TMED7: variants seen among roughly 807,000 people sequenced by gnomAD.
TMED7 encodes the protein transmembrane emp24 domain-containing protein 7.
Under a neutral mutation model 23.4 loss-of-function variants are expected in TMED7, and 8 were observed. That is an observed-to-expected ratio of 0.34 (90% CI 0.20 to 0.62). The LOEUF (loss-of-function observed/expected upper bound fraction) is 0.62, where lower values mean the gene tolerates loss of function less well. Among genes scored for constraint, TMED7 ranks in the 20% least tolerant of loss-of-function variants. TMED7 has a pLI of 0.77. For synonymous variants in TMED7, 121 were observed against 108.5 expected, an observed-to-expected ratio of 1.12 and a Z score of -0.72; for missense variants, 232 against 279.1, an observed-to-expected ratio of 0.83 and a Z score of 1.20.
At chr5:115,620,370 A>C in intron 2 of TMED7, 65 bp downstream of exon 2, 5 of 1,434,858 alleles carry the variant, frequency 3.5e-6, no homozygotes, top group Non-Finnish European at 4.6e-6. Flanking sequence ...AGTGCATGAT[A>C]TTAAATTATG....
rs1756606049 is a variant in TMED7, at chr5:115,614,405, A to G, written c.*1804T>C. 1 of 152,558 alleles carries G rather than the reference A, an allele frequency of 6.6e-6. No individual in the cohort carries two copies. The highest frequency in any genetic ancestry group is 1.5e-5 in the Non-Finnish European group (1 of 67,968). 9.5% of individuals were successfully genotyped at this position (152,558 alleles called of 1,614,324 possible). Reference sequence around the variant, plus strand: ...ATTATGGTGTAAGTATCTGAACACAATAGCATAGAGAGGCAACCAGAAAAG... The same window carrying G: ...ATTATGGTGTAAGTATCTGAACACAGTAGCATAGAGAGGCAACCAGAAAAG... On this transcript the variant is annotated 3_prime_UTR_variant, in exon 3 of 3. Coordinates refer to ENST00000456936, the MANE Select transcript of TMED7 (RefSeq NM_181836.6).
chr5:115,624,427 A>T (rs1396234387), intron 1 of TMED7, among the ~76,000 whole-genome samples: 4 of 152,158 alleles, frequency 2.6e-5, no homozygotes, highest in African/African-American at 9.7e-5. Flanking sequence ...CTAGACCACC[A>T]TAATAACCTC....
intron 2 of TMED7, among the ~76,000 whole-genome samples, chr5:115,618,775 T>C (rs1439725365): frequency 6.6e-6 from 1 of 152,214 alleles, no homozygotes; most frequent in Non-Finnish European, 1.5e-5. Flanking sequence ...CAGTATAAAG[T>C]TCCCCATCAG....
chr5:115,622,948 G>A (rs1757083724), intron 1 of TMED7, among the ~76,000 whole-genome samples: 1 of 152,104 alleles, frequency 6.6e-6, no homozygotes, highest in East Asian at 1.9e-4. Flanking sequence ...GACAGTGTTT[G>A]CAAATCTACA....
At chr5:115,623,404 A>C (rs925906943) in intron 1 of TMED7, among the ~76,000 whole-genome samples, 3 of 152,216 alleles carry the variant, frequency 2.0e-5, no homozygotes, top group Admixed American at 1.3e-4. Flanking sequence ...GAAGACCAGG[A>C]GCAAATCATC....
At chr5:115,623,266 C>T (rs1757096358) in intron 1 of TMED7, among the ~76,000 whole-genome samples, 1 of 152,206 alleles carries the variant, frequency 6.6e-6, no homozygotes, top group African/African-American at 2.4e-5. Flanking sequence ...AAAGAAAACA[C>T]CCTGGAACCA....
intron 1 of TMED7, 78 bp downstream of exon 1, chr5:115,625,523 G>C (rs1757170248): frequency 1.5e-6 from 2 of 1,375,564 alleles, no homozygotes; most frequent in South Asian, 1.7e-5. Flanking sequence ...ACACGGACAG[G>C]AAAGTGCCAT....
In TMED7 at chr5:115,618,410, T is replaced by C. The variant is rs146556989; in HGVS notation, c.439-1965A>G. Among the ~76,000 whole-genome samples, 6 of 152,342 alleles carry C rather than the reference T, an allele frequency of 3.9e-5. No individual in the cohort carries two copies. The East Asian group carries it at 1.2e-3, about 29-fold the overall frequency. ...TCAAATTTCCCCTATTGTTTCAAAG[T>C]TGGTTTTCAAGTAAGAATCCAAGTA... On this transcript the variant is annotated intron_variant, in intron 2 of 2. Transcript: ENST00000456936.
Position 115,620,428 on chromosome 5 carries a change from T to A in TMED7, c.438+7A>T, listed in dbSNP as rs545675298. The A allele has an allele frequency of 2.9e-5, 43 of 1,481,668 alleles. No individual in the cohort carries two copies. Among genetic ancestry groups the A allele is most frequent in the Admixed American group, 7.8e-5 (3 of 38,312 alleles). 91.8% of individuals were successfully genotyped at this position (1,481,668 alleles called of 1,614,324 possible). ...ACCAACATTATATTGCTGATTTTTT[T>A]ATTTACCTGGGTAAGAGCACTGACT... On this transcript the variant is annotated splice_region_variant and intron_variant, in intron 2 of 2. Coordinates refer to ENST00000456936, the MANE Select transcript of TMED7 (RefSeq NM_181836.6).
At position 115,616,351 on chromosome 5, in the gene TMED7, C is replaced by T; in HGVS notation, c.533G>A (p.Arg178Gln). ...CACTCTTGTATTTAGATCCTCTGCT[C>T]GGCTTCGGCCTTGAGCTTCTCTTAA... ...FRLREAQGRS[R>Q]AEDLNTRVAY... Residue 178 changes from arginine to glutamine, a missense_variant, in exon 3 of 3, where the codon CGA becomes CAA. Transcript: ENST00000456936. 1 of 1,614,164 alleles carries T rather than the reference C, an allele frequency of 6.2e-7. No homozygotes were observed. Among genetic ancestry groups the T allele is most frequent in the Non-Finnish European group, 8.5e-7 (1 of 1,180,020 alleles).
intron 1 of TMED7, among the ~76,000 whole-genome samples, chr5:115,624,919 T>C (rs1757150228): frequency 6.6e-6 from 1 of 152,236 alleles, no homozygotes; most frequent in Non-Finnish European, 1.5e-5. Flanking sequence ...CCTATCTGTT[T>C]CGACCACTTC....
intron 1 of TMED7, among the ~76,000 whole-genome samples, chr5:115,622,565 C>T (rs1189009415): frequency 1.3e-5 from 2 of 152,106 alleles, no homozygotes; most frequent in Admixed American, 6.6e-5. Flanking sequence ...CACTGTGACA[C>T]GTTAAACAGC....
intron 2 of TMED7, among the ~76,000 whole-genome samples, chr5:115,617,895 G>A (rs1181602046): frequency 6.6e-6 from 1 of 152,306 alleles, no homozygotes; most frequent in Non-Finnish European, 1.5e-5. Context: ...CTAGGTTCAA[G>A]TGATTCTCCT....
At position 115,625,779 on chromosome 5, in the gene TMED7, C is replaced by G; in HGVS notation, c.14G>C (p.Gly5Ala). ...GACGGCCGCCCAGCGCTGCGCGGAC[C>G]CCGGCCGCGGCATCCCGAGAAGGCG... is the stretch of plus-strand genomic sequence containing the variant. MPRP[G>A]SAQRWAAVAG... Residue 5 changes from glycine (G) to alanine (A), a missense_variant, in exon 1 of 3, where the codon GGG (glycine) becomes GCG (alanine). Physicochemically the swap from Gly to Ala is moderately conservative, Grantham distance 60. Around this residue, in one of 2 missense-constraint regions of TMED7, gnomAD observed 106 missense variants for 97.0 expected, o/e 1.09. Coordinates refer to ENST00000456936, the MANE Select transcript of TMED7 (RefSeq NM_181836.6). 6.9e-7 allele frequency: 1 copy of G among 1,447,622 alleles called. No homozygotes were observed. The highest frequency in any genetic ancestry group is 9.1e-7 in the Non-Finnish European group (1 of 1,104,068). The allele number at this position is 1,447,622 out of a possible 1,614,324, so 89.7% of individuals were successfully genotyped here.
chr5:115,613,311 C>G lies in TMED7; in HGVS notation c.*2898G>C, dbSNP rs1299046051. 1.3e-5 allele frequency among the ~76,000 whole-genome samples: 2 copies of G among 152,168 alleles called. No individual in the cohort carries two copies. The highest frequency in any genetic ancestry group is 2.9e-5 in the Non-Finnish European group (2 of 68,016). ...CTACACAAACTTTCAGTAAGGAATGCAAAGAGAAGGTTACAAATTAGGCAG... is the reference window on the plus strand; with the variant it reads ...CTACACAAACTTTCAGTAAGGAATGGAAAGAGAAGGTTACAAATTAGGCAG... On this transcript the variant is annotated 3_prime_UTR_variant, in exon 3 of 3. Coordinates refer to ENST00000456936, the MANE Select transcript of TMED7 (RefSeq NM_181836.6).
rs988065067 is a variant in TMED7 at position 115,626,010 on chromosome 5, G to C, written c.-218C>G. The C allele has an allele frequency of 1.5e-5, 8 of 519,752 alleles. No homozygotes were observed. The highest frequency in any genetic ancestry group is 4.0e-5 in the African/African-American group (2 of 50,192). The allele number at this position is 519,752 out of a possible 1,614,324, so 32.2% of individuals were successfully genotyped here. On this transcript the variant is annotated 5_prime_UTR_variant, in exon 1 of 3. Transcript: ENST00000456936. ...GGGGAGGTAAAAGAGAAGCGGAAAAGGCCTGAGAGGGTCGGAAGTGGGGAT... is the reference window on the plus strand; with the variant it reads ...GGGGAGGTAAAAGAGAAGCGGAAAACGCCTGAGAGGGTCGGAAGTGGGGAT...
intron 1 of TMED7, among the ~76,000 whole-genome samples, chr5:115,621,551 T>C (rs1276656610): frequency 1.3e-5 from 2 of 152,208 alleles, no homozygotes; most frequent in Admixed American, 6.5e-5. Context: ...GATATGAGTC[T>C]GAACAGAACT....
rs1043342870 is a variant in TMED7 at position 115,622,643 on chromosome 5, G to A, written c.193-1963C>T. ...CCTAAAATGATGCCGAATGTCTCCT[G>A]GGAAGAAGGGGTGCCCATCTCCCCA... On this transcript the variant is annotated intron_variant, in intron 1 of 2. Transcript: ENST00000456936. Among the ~76,000 whole-genome samples the A allele has an allele frequency of 2.0e-5, 3 of 151,852 alleles. No homozygotes were observed. In the East Asian group the frequency reaches 5.8e-4, roughly 29 times the overall value.
In TMED7 at chr5:115,613,456, A is replaced by C. The variant is rs1370674906; in HGVS notation, c.*2753T>G. 1 of 152,204 alleles carries C rather than the reference A, an allele frequency of 6.6e-6. No homozygotes were observed. The highest frequency in any genetic ancestry group is 1.5e-5 in the Non-Finnish European group (1 of 68,016). 9.4% of individuals were successfully genotyped at this position (152,204 alleles called of 1,614,324 possible). A position where few individuals can be genotyped will look rare whatever the true frequency, so the allele number is the denominator to read the frequency against. Reference sequence around the variant, plus strand: ...CTGTACTCTAGGCTTTAAGTTTATAAGGAGCTTTAGAAAGATTTAAATCCT... The same window carrying C: ...CTGTACTCTAGGCTTTAAGTTTATACGGAGCTTTAGAAAGATTTAAATCCT... On this transcript the variant is annotated 3_prime_UTR_variant, in exon 3 of 3. Coordinates refer to ENST00000456936, the MANE Select transcript of TMED7 (RefSeq NM_181836.6).
Sources: gnomAD v4.1 joint callset for allele counts (sites outside exome capture counted in the v4.1 genomes callset) on GRCh38, gnomAD v4.1.1 for gene constraint, gnomAD v4.1.1 regional missense constraint, MANE v1.5 for transcripts, NCBI Gene and HGNC (gene_info 2026-07-23, HGNC 2026-07-21) for gene names.